The following CNTN5 variants were observed in gnomAD, a reference collection of about 807,000 sequenced individuals.
The protein encoded by CNTN5 is contactin-5.
A neutral mutation model predicts 129.1 loss-of-function variants in CNTN5; 77 were observed. The observed-to-expected ratio is 0.60, with a 90% CI of 0.50 to 0.72. The LOEUF (loss-of-function observed/expected upper bound fraction) is 0.72. Among genes scored for constraint, CNTN5 ranks in the 30% least tolerant of loss-of-function variants. The pLI is 0.00. For missense variants in CNTN5, 1,478 were observed against 1,328.8 expected, an observed-to-expected ratio of 1.11 and a Z score of -1.75; for synonymous variants, 509 against 465.6, an observed-to-expected ratio of 1.09 and a Z score of -1.20.
At chr11:99,262,991 A>AT in intron 1 of CNTN5, among the ~76,000 whole-genome samples, 1 of 152,136 alleles carries the variant, frequency 6.6e-6, no homozygotes, top group African/African-American at 2.4e-5. Context: ...GTCAAAATGA[A>AT]TTTTATTGGA....
chr11:99,155,033 G>C (rs566785756), intron 1 of CNTN5, among the ~76,000 whole-genome samples: 88 of 152,202 alleles, frequency 5.8e-4, no homozygotes, highest in Non-Finnish European at 1.1e-3. Flanking sequence ...GCCAACCCAA[G>C]TGTCTGTAGG....
chr11:99,485,710 A>G lies in CNTN5; in HGVS notation c.-70-70435A>G, dbSNP rs147558127. 7.5e-3 allele frequency among the ~76,000 whole-genome samples: 1,137 copies of G among 152,158 alleles called. 19 individuals carry two copies. Among genetic ancestry groups the G allele is most frequent in the African/African-American group, 0.025 (1,060 of 41,572 alleles). ...AAACTTGAAAATGCAAACAGACAAA[A>G]AAAACCCCTGAATTTCTGTCTTAAT... On this transcript the variant is annotated intron_variant, in intron 2 of 24. Coordinates refer to ENST00000524871, the MANE Select transcript of CNTN5 (RefSeq NM_014361.4).
intron 1 of CNTN5, among the ~76,000 whole-genome samples, chr11:99,213,949 T>C (rs990137530): frequency 6.6e-6 from 1 of 152,176 alleles, no homozygotes; most frequent in Non-Finnish European, 1.5e-5. Flanking sequence ...AGATGGATAA[T>C]GTATTTAACT....
At chr11:99,521,523 C>G (rs1382875700) in intron 2 of CNTN5, among the ~76,000 whole-genome samples, 1 of 152,084 alleles carries the variant, frequency 6.6e-6, no homozygotes, top group Non-Finnish European at 1.5e-5. Context: ...TCACTAGGTA[C>G]AAATTTCAAT....
intron 1 of CNTN5, among the ~76,000 whole-genome samples, chr11:99,274,322 T>A (rs1863321816): frequency 6.6e-6 from 1 of 151,758 alleles, no homozygotes; most frequent in Non-Finnish European, 1.5e-5. Context: ...TTTTGACTTG[T>A]CTGAAATATG....
At chr11:99,878,881 A>G (rs978483527) in intron 6 of CNTN5, among the ~76,000 whole-genome samples, 2 of 152,154 alleles carry the variant, frequency 1.3e-5, no homozygotes, top group Non-Finnish European at 2.9e-5. Flanking sequence ...ATTTTTTTTA[A>G]AAAAAGATGA....
At chr11:100,041,185 G>A (rs1313751385) in intron 9 of CNTN5, among the ~76,000 whole-genome samples, 1 of 152,114 alleles carries the variant, frequency 6.6e-6, no homozygotes, top group South Asian at 2.1e-4. Context: ...ATAGACTACT[G>A]ACTCTTCCTA....
At chr11:99,703,257 A>G (rs1469671592) in intron 3 of CNTN5, among the ~76,000 whole-genome samples, 5 of 137,184 alleles carry the variant, frequency 3.6e-5, no homozygotes, top group African/African-American at 5.3e-5. Flanking sequence ...TTGTTTTATG[A>G]CAGTGTGCTT....
chr11:99,516,212 T>C (rs1008038905), intron 2 of CNTN5, among the ~76,000 whole-genome samples: 5 of 152,110 alleles, frequency 3.3e-5, no homozygotes, highest in African/African-American at 1.2e-4. Context: ...AAATGAGATA[T>C]ATAAACTGGA....
intron 3 of CNTN5, among the ~76,000 whole-genome samples, chr11:99,637,029 A>AAAAAAAAAAAAAAAAAAAAAAAAAAAAT (rs1951586190): frequency 6.9e-6 from 1 of 143,936 alleles, no homozygotes; most frequent in African/African-American, 2.5e-5. Flanking sequence ...AAAAAAAAAA[A>AAAAAAAAAAAAAAAAAAAAAAAAAAAAT]AAAAAAAAAA....
chr11:100,263,617 C>G (rs1950247272), intron 17 of CNTN5, among the ~76,000 whole-genome samples: 1 of 152,028 alleles, frequency 6.6e-6, no homozygotes, highest in African/African-American at 2.4e-5. Flanking sequence ...CTTTAAAGAC[C>G]TCAAAATTGG....
chr11:99,245,660 C>A (rs1337807631), intron 1 of CNTN5, among the ~76,000 whole-genome samples: 2 of 152,002 alleles, frequency 1.3e-5, no homozygotes, highest in African/African-American at 4.8e-5. Flanking sequence ...ACAGTAGAGA[C>A]CAGAAAACAG....
chr11:99,667,674 C>T (rs935187556), intron 3 of CNTN5, among the ~76,000 whole-genome samples: 4 of 152,120 alleles, frequency 2.6e-5, no homozygotes, highest in African/African-American at 9.7e-5. Context: ...AAGCCATCAT[C>T]CTCGGCAAAC....
chr11:99,482,134 C>T (rs1209100098), intron 2 of CNTN5, among the ~76,000 whole-genome samples: 1 of 152,126 alleles, frequency 6.6e-6, no homozygotes, highest in Non-Finnish European at 1.5e-5. Context: ...TTATTAATCT[C>T]CCTATGAACT....
intron 13 of CNTN5, among the ~76,000 whole-genome samples, chr11:100,157,837 T>TATATAGATAAATAAA (rs1947308432): frequency 7.0e-6 from 1 of 143,828 alleles, no homozygotes. Flanking sequence ...ATTCCAGATC[T>TATATAGATAAATAAA]ATATAGATAA....
At chr11:99,460,768 G>A (rs1235610274) in intron 2 of CNTN5, among the ~76,000 whole-genome samples, 2 of 151,928 alleles carry the variant, frequency 1.3e-5, no homozygotes, top group African/African-American at 2.4e-5. Context: ...TCGAATTCTC[G>A]TACCTTGCTA....
intron 1 of CNTN5, among the ~76,000 whole-genome samples, chr11:99,121,547 C>T (rs1207926501): frequency 1.3e-5 from 2 of 152,036 alleles, no homozygotes; most frequent in African/African-American, 4.8e-5. Context: ...ACAGTCTCAG[C>T]CTCCCAGGGC....
At chr11:99,250,613 T>G (rs902114790) in intron 1 of CNTN5, among the ~76,000 whole-genome samples, 1 of 151,922 alleles carries the variant, frequency 6.6e-6, no homozygotes, top group Admixed American at 6.6e-5. Context: ...TGTACTTGTT[T>G]AAGATAGATT....
chr11:99,972,406 G>A (rs1436092045), intron 8 of CNTN5, among the ~76,000 whole-genome samples: 1 of 152,174 alleles, frequency 6.6e-6, no homozygotes, highest in Non-Finnish European at 1.5e-5. Context: ...TCAGCAAGAA[G>A]CACTTTGTTT....
Sources: allele counts gnomAD v4.1 joint callset (sites outside exome capture counted in the v4.1 genomes callset), GRCh38; gene constraint gnomAD v4.1.1; transcripts MANE v1.5; gene names NCBI Gene and HGNC (gene_info 2026-07-23, HGNC 2026-07-21).